STX8: variants seen among roughly 807,000 people sequenced by gnomAD.
STX8 encodes syntaxin 8, also known as syntaxin-8.
In STX8, 23 loss-of-function variants were observed where a neutral mutation model predicts 37.5. The observed-to-expected ratio is 0.61, with a 90% CI of 0.44 to 0.87. The LOEUF is 0.87. STX8 is among the 40% of genes least tolerant of loss of function. The pLI is 0.00. For missense variants in STX8, 313 were observed against 284.7 expected (o/e 1.10, Z -0.71); for synonymous variants, 115 against 99.1 (o/e 1.16, Z -0.95).
At chr17:9,454,356 T>C (rs921320993) in intron 6 of STX8, among the ~76,000 whole-genome samples, 1 of 152,198 alleles carries the variant, frequency 6.6e-6, no homozygotes, top group African/African-American at 2.4e-5. Context: ...TTCATCATGC[T>C]ACTTAGAACA....
chr17:9,324,115 C>CTT (rs1567783635), intron 7 of STX8, among the ~76,000 whole-genome samples: 2 of 132,868 alleles, frequency 1.5e-5, no homozygotes, highest in African/African-American at 2.9e-5. Context: ...CTCTGTCTCT[C>CTT]TCTCTCTCTC....
At chr17:9,442,367 G>A (rs1218687937) in intron 6 of STX8, among the ~76,000 whole-genome samples, 10 of 151,896 alleles carry the variant, frequency 6.6e-5, no homozygotes, top group African/African-American at 1.9e-4. Context: ...TCCCAACCCC[G>A]CTCCTATCCA....
At chr17:9,251,465 G>A (rs901106527) in intron 7 of STX8, among the ~76,000 whole-genome samples, 2 of 152,194 alleles carry the variant, frequency 1.3e-5, no homozygotes, top group Admixed American at 6.5e-5. Context: ...GAGAAGGGGC[G>A]CCCTACTACA....
At chr17:9,469,363 T>TACAC (rs59191207) in intron 6 of STX8, 40,626 of 150,104 alleles carry the variant, frequency 0.27, 6,233 homozygotes, top group East Asian at 0.7. Context: ...CTCTCTCTCA[T>TACAC]ACACACACAC....
chr17:9,350,529 TG>T lies in STX8; in HGVS notation c.643+28022del, dbSNP rs559587241. ...GCTCACACTAAAGTGTTTTTTTTTTTGTTTTTGTTTTTGTTTTCTTTTTTTG... is the reference window on the plus strand; with the variant it reads ...GCTCACACTAAAGTGTTTTTTTTTTTTTTTTGTTTTTGTTTTCTTTTTTTG... On this transcript the variant is annotated intron_variant, in intron 7 of 7. Transcript: ENST00000306357. 4.1e-3 allele frequency among the ~76,000 whole-genome samples: 611 copies of T among 150,652 alleles called. 1 individual carries two copies. Among genetic ancestry groups the T allele is most frequent in the African/African-American group, 0.015 (585 of 40,106 alleles).
chr17:9,390,641 C>T (rs367746164), intron 6 of STX8, among the ~76,000 whole-genome samples: 7 of 146,836 alleles, frequency 4.8e-5, no homozygotes, highest in Non-Finnish European at 8.9e-5. Context: ...GCCTGGCCAA[C>T]GTAGTGAAAC....
intron 7 of STX8, among the ~76,000 whole-genome samples, chr17:9,259,986 G>A (rs1404812817): frequency 3.3e-5 from 5 of 152,122 alleles, no homozygotes; most frequent in African/African-American, 7.2e-5. Flanking sequence ...GGGAGGTCAC[G>A]GCGGGTGGAT....
chr17:9,446,116 G>A (rs753702498), intron 6 of STX8, among the ~76,000 whole-genome samples: 35 of 152,130 alleles, frequency 2.3e-4, no homozygotes, highest in African/African-American at 1.7e-4. Context: ...GATTACAGGC[G>A]TGAGCCACTG....
At chr17:9,493,788 A>T (rs4791844) in intron 5 of STX8, among the ~76,000 whole-genome samples, 110,390 of 152,044 alleles carry the variant, frequency 0.73, 42,486 homozygotes, top group Middle Eastern at 0.9. Context: ...AATAATTTAC[A>T]TTCAACTTTC....
chr17:9,446,455 T>C (rs1183458821), intron 6 of STX8, among the ~76,000 whole-genome samples: 1 of 152,220 alleles, frequency 6.6e-6, no homozygotes, highest in Non-Finnish European at 1.5e-5. Context: ...CAGTTGAAAC[T>C]ATTAGTGTGA....
chr17:9,526,922 G>A (rs1905596426), intron 4 of STX8, among the ~76,000 whole-genome samples: 1 of 151,974 alleles, frequency 6.6e-6, no homozygotes, highest in Admixed American at 6.6e-5. Flanking sequence ...TCACACATCT[G>A]TAATCCCAGC....
At chr17:9,492,380 T>C (rs2168856) in intron 5 of STX8, among the ~76,000 whole-genome samples, 56,585 of 152,016 alleles carry the variant, frequency 0.37, 11,642 homozygotes, top group East Asian at 0.69. Context: ...TTAAAAAGAA[T>C]GACAATACCT....
chr17:9,499,066 G>C (rs1904517982), intron 5 of STX8, among the ~76,000 whole-genome samples: 2 of 152,156 alleles, frequency 1.3e-5, no homozygotes, highest in Non-Finnish European at 1.5e-5. Context: ...TTCACTTCTA[G>C]GTTAGGCAAG....
chr17:9,318,632 C>G (rs1362114588), intron 7 of STX8, among the ~76,000 whole-genome samples: 1 of 151,980 alleles, frequency 6.6e-6, no homozygotes, highest in Non-Finnish European at 1.5e-5. Context: ...GGACTCGTGT[C>G]AGAGTTCTCA....
intron 7 of STX8, among the ~76,000 whole-genome samples, chr17:9,255,353 C>T (rs954344620): frequency 1.3e-5 from 2 of 152,020 alleles, no homozygotes; most frequent in African/African-American, 4.8e-5. Flanking sequence ...ACAGAGAAAC[C>T]ACGTCTCTAC....
At chr17:9,420,767 T>A (rs1369698341) in intron 6 of STX8, among the ~76,000 whole-genome samples, 1 of 152,222 alleles carries the variant, frequency 6.6e-6, no homozygotes, top group Non-Finnish European at 1.5e-5. Flanking sequence ...AGTGACTTAC[T>A]GGAAAATTCC....
At chr17:9,388,812 G>GAAAAAAAAAAAAA (rs79059878) in intron 6 of STX8, among the ~76,000 whole-genome samples, 1 of 108,022 alleles carries the variant, frequency 9.3e-6, no homozygotes, top group South Asian at 3.2e-4. Context: ...TCAAAAAAAA[G>GAAAAAAAAAAAAA]AAAAAAAAAA....
intron 5 of STX8, 108 bp from the exon 6 acceptor site, chr17:9,492,029 A>G: frequency 2.9e-6 from 2 of 686,880 alleles, no homozygotes; most frequent in Non-Finnish European, 4.5e-6. Context: ...TCAGTCAGGA[A>G]AAAAAAGAGA....
At chr17:9,524,009 T>C (rs915038059) in intron 4 of STX8, among the ~76,000 whole-genome samples, 3 of 152,250 alleles carry the variant, frequency 2.0e-5, no homozygotes, top group African/African-American at 7.2e-5. Context: ...ATCTAACTCA[T>C]GTCTAAAGAC....
Sources: gnomAD v4.1 joint callset for allele counts (sites outside exome capture counted in the v4.1 genomes callset) on GRCh38, gnomAD v4.1.1 for gene constraint, MANE v1.5 for transcripts, NCBI Gene and HGNC (gene_info 2026-07-23, HGNC 2026-07-21) for gene names.